The following KIAA1217 variants were observed in gnomAD, a reference collection of about 807,000 sequenced individuals.
KIAA1217 encodes sickle tail protein homolog.
In KIAA1217, 88 loss-of-function variants were observed where a neutral mutation model predicts 163.9. The observed-to-expected ratio is 0.54, with a 90% CI of 0.45 to 0.64. KIAA1217 has a LOEUF of 0.64. Among genes scored for constraint, KIAA1217 ranks in the 30% least tolerant of loss-of-function variants. The pLI is 0.00. For synonymous variants in KIAA1217, 903 were observed against 923.1 expected (o/e 0.98, Z 0.39); for missense variants, 2,372 against 2,475.0 (o/e 0.96, Z 0.88).
intron 2 of KIAA1217, among the ~76,000 whole-genome samples, chr10:24,092,406 C>T: frequency 6.6e-6 from 1 of 151,492 alleles, no homozygotes; most frequent in Non-Finnish European, 1.5e-5. Flanking sequence ...CCCAGCAATC[C>T]CACTCCCAAC....
chr10:24,394,728 G>A (rs998289416), intron 3 of KIAA1217, among the ~76,000 whole-genome samples: 8 of 152,144 alleles, frequency 5.3e-5, no homozygotes, highest in African/African-American at 1.7e-4. Context: ...CATCCCTGCC[G>A]CTCTCTGCTT....
chr10:23,981,509 C>T (rs1001153139), intron 1 of KIAA1217, among the ~76,000 whole-genome samples: 2 of 152,188 alleles, frequency 1.3e-5, no homozygotes, highest in Non-Finnish European at 2.9e-5. Flanking sequence ...AAGTCTTTGT[C>T]ATGTCTATAC....
intron 2 of KIAA1217, among the ~76,000 whole-genome samples, chr10:24,320,791 C>G (rs997759498): frequency 6.6e-6 from 1 of 152,160 alleles, no homozygotes; most frequent in Non-Finnish European, 1.5e-5. Flanking sequence ...TACTTGTAAT[C>G]CCAGCACTTT....
intron 2 of KIAA1217, among the ~76,000 whole-genome samples, chr10:24,149,654 A>C (rs566435303): frequency 3.9e-4 from 59 of 152,340 alleles, no homozygotes; most frequent in African/African-American, 1.4e-3. Flanking sequence ...GAGTACACAA[A>C]TACACTTAGC....
intron 2 of KIAA1217, among the ~76,000 whole-genome samples, chr10:24,243,824 A>T (rs1022218557): frequency 1.3e-5 from 2 of 152,148 alleles, no homozygotes; most frequent in African/African-American, 4.8e-5. Context: ...TTGTGTATGT[A>T]TATATACATA....
intron 1 of KIAA1217, among the ~76,000 whole-genome samples, chr10:23,735,373 C>G (rs1451324175): frequency 2.6e-5 from 4 of 152,256 alleles, no homozygotes; most frequent in Admixed American, 1.3e-4. Flanking sequence ...GCTGGGATTA[C>G]AGAGTGGCAT....
chr10:24,205,509 C>T (rs935346383), upstream of KIAA1217, among the ~76,000 whole-genome samples: 3 of 151,150 alleles, frequency 2.0e-5, no homozygotes, highest in East Asian at 2.0e-4. Flanking sequence ...CGCGGTGGCT[C>T]ATGCTTGTAG....
chr10:23,816,296 G>T (rs1837310457), intron 1 of KIAA1217, among the ~76,000 whole-genome samples: 1 of 152,012 alleles, frequency 6.6e-6, no homozygotes, highest in African/African-American at 2.4e-5. Context: ...GTTGTTGTTT[G>T]TTTGTTTGTT....
intron 2 of KIAA1217, among the ~76,000 whole-genome samples, chr10:24,067,952 A>T (rs912153777): frequency 1.3e-5 from 2 of 152,210 alleles, no homozygotes; most frequent in African/African-American, 4.8e-5. Flanking sequence ...CTTGTGCAGG[A>T]TATAATCTCC....
chr10:24,114,882 G>T (rs1319810640), intron 2 of KIAA1217, among the ~76,000 whole-genome samples: 2 of 152,192 alleles, frequency 1.3e-5, no homozygotes, highest in African/African-American at 2.4e-5. Context: ...CGCCACATCA[G>T]TGTCCTCTCT....
chr10:23,790,704 C>CACAT (rs1554795365), intron 1 of KIAA1217, among the ~76,000 whole-genome samples: 1 of 125,368 alleles, frequency 8.0e-6, no homozygotes, highest in Admixed American at 8.3e-5. Context: ...TATACACACA[C>CACAT]ATATATATAT....
chr10:23,876,784 A>G (rs964369037), intron 1 of KIAA1217, among the ~76,000 whole-genome samples: 9 of 151,942 alleles, frequency 5.9e-5, no homozygotes, highest in East Asian at 3.9e-4. Context: ...ATTTCTTCCA[A>G]TAGAAAATAA....
chr10:24,095,056 T>C (rs1283308569), intron 2 of KIAA1217, among the ~76,000 whole-genome samples: 1 of 152,188 alleles, frequency 6.6e-6, no homozygotes, highest in African/African-American at 2.4e-5. Context: ...GGATATATTC[T>C]TCTGATGCGC....
intron 1 of KIAA1217, among the ~76,000 whole-genome samples, chr10:23,998,068 T>C (rs1287336540): frequency 1.3e-5 from 2 of 151,980 alleles, no homozygotes; most frequent in East Asian, 3.9e-4. Flanking sequence ...TCCTCTCAAC[T>C]ATTTTCAATT....
chr10:24,258,737 C>A (rs150532259), intron 2 of KIAA1217, among the ~76,000 whole-genome samples: 1 of 152,076 alleles, frequency 6.6e-6, no homozygotes, highest in Non-Finnish European at 1.5e-5. Context: ...GCACTACAGG[C>A]GCCCGCCACC....
In KIAA1217 at chr10:24,433,101, G is replaced by C. The variant is rs779631139; in HGVS notation, c.660G>C (p.Gln220His). 6.2e-7 allele frequency: 1 copy of C among 1,614,002 alleles called. No homozygotes were observed. The highest frequency in any genetic ancestry group is 1.7e-5 in the Admixed American group (1 of 60,006). Residue 220 changes from glutamine to histidine, a missense_variant, in exon 4 of 21, where the codon CAG becomes CAC. Coordinates refer to ENST00000376454, the MANE Select transcript of KIAA1217 (RefSeq NM_019590.5). Reference protein sequence around the residue: ...IRALFVSAFPQQLTMKMLESP... With the variant: ...IRALFVSAFPHQLTMKMLESP... ...CTCTCTTCGTAAGTGCCTTTCCACA[G>C]CAGCTCACCATGAAAATGCTGGAAT...
At chr10:23,934,571 A>ACTT (rs1843406128) in intron 1 of KIAA1217, among the ~76,000 whole-genome samples, 1 of 76,688 alleles carries the variant, frequency 1.3e-5, no homozygotes, top group Admixed American at 1.3e-4. Context: ...ATATATATAT[A>ACTT]TATATATATA....
chr10:24,120,040 C>T (rs1454272630), intron 2 of KIAA1217, among the ~76,000 whole-genome samples: 2 of 152,200 alleles, frequency 1.3e-5, no homozygotes, highest in African/African-American at 4.8e-5. Flanking sequence ...TCTGCCTCGA[C>T]CTCCAAGAAA....
chr10:23,861,598 G>A (rs1002837186), intron 1 of KIAA1217, among the ~76,000 whole-genome samples: 1 of 152,112 alleles, frequency 6.6e-6, no homozygotes, highest in Non-Finnish European at 1.5e-5. Flanking sequence ...GAGAGATGTG[G>A]CAGAAAAGGA....
Sources: allele counts gnomAD v4.1 joint callset (sites outside exome capture counted in the v4.1 genomes callset), GRCh38; gene constraint gnomAD v4.1.1; transcripts MANE v1.5; gene names NCBI Gene and HGNC (gene_info 2026-07-23, HGNC 2026-07-21).